Variants in CCDC85A observed in about 807,000 individuals in gnomAD.
CCDC85A encodes the protein coiled-coil domain-containing protein 85A.
Under a neutral mutation model 50.2 loss-of-function variants are expected in CCDC85A, and 38 were observed. The ratio of observed to expected loss-of-function variants is 0.76; its 90% CI spans 0.58 to 0.99. CCDC85A has a LOEUF of 0.99. CCDC85A is among the 50% of genes least tolerant of loss of function. The pLI, the probability that CCDC85A is intolerant of heterozygous loss-of-function variation, is 0.00. For missense variants in CCDC85A, 820 were observed against 742.0 expected (o/e 1.11, Z -1.22); for synonymous variants, 366 against 301.4 (o/e 1.21, Z -2.22).
intron 2 of CCDC85A, among the ~76,000 whole-genome samples, chr2:56,281,871 A>C (rs916514542): frequency 4.6e-5 from 7 of 152,152 alleles, no homozygotes; most frequent in African/African-American, 1.7e-4. Flanking sequence ...TTTTCTCTCA[A>C]TCTGTAGCTT....
rs945981259 is a variant in CCDC85A at position 56,384,592 on chromosome 2, T to A, written c.*237T>A. On this transcript the variant is annotated 3_prime_UTR_variant, in exon 6 of 6. Transcript: ENST00000407595. ...ATCTCAAACAAGGTAGCTTTGAACATCTCAAACAGAGTAGCTTTGAAAATC... is the reference window on the plus strand; with the variant it reads ...ATCTCAAACAAGGTAGCTTTGAACAACTCAAACAGAGTAGCTTTGAAAATC... 2 of 418,862 alleles carry A rather than the reference T, an allele frequency of 4.8e-6. No individual in the cohort carries two copies. Among genetic ancestry groups the A allele is most frequent in the African/African-American group, 4.0e-5 (2 of 50,374 alleles). The allele number at this position is 418,862 out of a possible 1,614,324, so 25.9% of individuals were successfully genotyped here. A position where few individuals can be genotyped will look rare whatever the true frequency, so the allele number is the denominator to read the frequency against.
chr2:56,216,663 T>G lies in CCDC85A; in HGVS notation c.1240+23223T>G, dbSNP rs182328424. 1.5e-4 allele frequency among the ~76,000 whole-genome samples: 23 copies of G among 151,774 alleles called. No individual in the cohort carries two copies. The East Asian group carries it at 4.5e-3, about 29-fold the overall frequency. On this transcript the variant is annotated intron_variant, in intron 2 of 5. Coordinates refer to ENST00000407595, the MANE Select transcript of CCDC85A (RefSeq NM_001080433.2). Reference sequence around the variant, plus strand: ...TCATTTCATTTATTTCTCCTTCTAATATGTTTTTCATTTCAGTAATATTTT... The same window carrying G: ...TCATTTCATTTATTTCTCCTTCTAAGATGTTTTTCATTTCAGTAATATTTT...
intron 2 of CCDC85A, among the ~76,000 whole-genome samples, chr2:56,210,778 A>C (rs1190131635): frequency 6.6e-6 from 1 of 151,888 alleles, no homozygotes; most frequent in Non-Finnish European, 1.5e-5. Context: ...TCCAAGGGCA[A>C]GTGTCCTAGC....
intron 2 of CCDC85A, among the ~76,000 whole-genome samples, chr2:56,273,103 A>G (rs955095988): frequency 6.6e-6 from 1 of 152,196 alleles, no homozygotes; most frequent in Non-Finnish European, 1.5e-5. Flanking sequence ...AACAGTATAT[A>G]GCCAAAAAAA....
chr2:56,346,982 T>C (rs1272974310), intron 3 of CCDC85A, among the ~76,000 whole-genome samples: 2 of 152,216 alleles, frequency 1.3e-5, no homozygotes, highest in Admixed American at 6.5e-5. Context: ...GTCTATGAGA[T>C]TTCATTAACT....
At chr2:56,245,671 G>A (rs72923427) in intron 2 of CCDC85A, among the ~76,000 whole-genome samples, 15,451 of 152,200 alleles carry the variant, frequency 0.1, 935 homozygotes, top group Middle Eastern at 0.13. Flanking sequence ...GGGTTGTGCT[G>A]TGGTTTGAAT....
At chr2:56,185,354 G>T (rs1028755091) in intron 1 of CCDC85A, among the ~76,000 whole-genome samples, 1 of 152,170 alleles carries the variant, frequency 6.6e-6, no homozygotes, top group Admixed American at 6.5e-5. Flanking sequence ...AGGAAAGGGC[G>T]CCACTGCCAG....
intron 1 of CCDC85A, among the ~76,000 whole-genome samples, chr2:56,186,026 C>G (rs902005757): frequency 6.6e-6 from 1 of 152,192 alleles, no homozygotes; most frequent in Non-Finnish European, 1.5e-5. Flanking sequence ...TGCTCCAGCT[C>G]TGGGATTCTG....
intron 2 of CCDC85A, among the ~76,000 whole-genome samples, chr2:56,202,842 A>G (rs1419049247): frequency 1.3e-5 from 2 of 152,182 alleles, no homozygotes; most frequent in Non-Finnish European, 2.9e-5. Context: ...CTAGACAGCA[A>G]ATGCCAATTC....
intron 1 of CCDC85A, among the ~76,000 whole-genome samples, chr2:56,190,529 G>A (rs184527735): frequency 1.3e-5 from 2 of 152,278 alleles, no homozygotes; most frequent in East Asian, 1.9e-4. Context: ...GTAAGTCTGA[G>A]GGATGATGGT....
intron 2 of CCDC85A, among the ~76,000 whole-genome samples, chr2:56,239,412 G>A (rs1234922611): frequency 1.3e-5 from 2 of 151,980 alleles, no homozygotes; most frequent in African/African-American, 2.4e-5. Flanking sequence ...TACTCTGTAG[G>A]GTTAATCTGG....
chr2:56,358,943 C>A (rs1196676556), intron 3 of CCDC85A, among the ~76,000 whole-genome samples: 2 of 130,080 alleles, frequency 1.5e-5, no homozygotes, highest in African/African-American at 2.8e-5. Context: ...TGCCACCATG[C>A]CCGGCTAATT....
chr2:56,192,580 A>G lies in CCDC85A; in HGVS notation c.380A>G (p.Gln127Arg). The stretch of plus-strand genomic sequence containing the variant: ...GGCAAGAGGGTGTCTCGGGAGTGGC[A>G]GAGACTGGGTCGCTACACTGCCGGG... Reference protein sequence around the residue: ...QKGKRVSREWQRLGRYTAGVM... With the variant: ...QKGKRVSREWRRLGRYTAGVM... The change falls in exon 2 of 6, where the codon CAG becomes CGG. Residue 127 changes from glutamine (Q) to arginine (R), a missense_variant. Physicochemically the swap from Gln to Arg is conservative, Grantham distance 43. Transcript: ENST00000407595. The surrounding 1 kb of genome is among the most constrained non-coding windows in gnomAD (Gnocchi z 4.7). The G allele has an allele frequency of 1.2e-6, 2 of 1,613,944 alleles. No homozygotes were observed. The highest frequency in any genetic ancestry group is 1.1e-5 in the South Asian group (1 of 91,078).
chr2:56,323,704 G>C (rs11125619), intron 2 of CCDC85A, among the ~76,000 whole-genome samples: 26,052 of 152,024 alleles, frequency 0.17, 2,498 homozygotes, highest in Admixed American at 0.24. Context: ...CTGATTGACT[G>C]TTACTAGAAC....
intron 2 of CCDC85A, among the ~76,000 whole-genome samples, chr2:56,260,253 A>G (rs1043229952): frequency 6.6e-6 from 1 of 152,170 alleles, no homozygotes; most frequent in African/African-American, 2.4e-5. Flanking sequence ...TGTCCCTGAA[A>G]CACCATTGGT....
intron 2 of CCDC85A, among the ~76,000 whole-genome samples, chr2:56,200,888 A>G (rs1167335024): frequency 6.6e-6 from 1 of 152,120 alleles, no homozygotes; most frequent in Non-Finnish European, 1.5e-5. Flanking sequence ...AATTAGGCAC[A>G]TATTCAATTA....
At chr2:56,347,727 T>C (rs1053573129) in intron 3 of CCDC85A, among the ~76,000 whole-genome samples, 1 of 152,128 alleles carries the variant, frequency 6.6e-6, no homozygotes, top group Non-Finnish European at 1.5e-5. Flanking sequence ...GGAGGGTGGA[T>C]AGGGGGAACT....
intron 3 of CCDC85A, among the ~76,000 whole-genome samples, chr2:56,366,883 T>G (rs1313206757): frequency 6.6e-6 from 1 of 152,196 alleles, no homozygotes; most frequent in Non-Finnish European, 1.5e-5. Flanking sequence ...TCTTTCATCT[T>G]TTATGATTTA....
chr2:56,287,096 T>C (rs766002514), intron 2 of CCDC85A, among the ~76,000 whole-genome samples: 9 of 152,210 alleles, frequency 5.9e-5, no homozygotes, highest in East Asian at 1.9e-4. Context: ...AGCATAGTTA[T>C]GACATCTGGT....
Sources: gnomAD v4.1 joint callset for allele counts (sites outside exome capture counted in the v4.1 genomes callset) on GRCh38, gnomAD v4.1.1 for gene constraint, Gnocchi (gnomAD v3.1) non-coding constraint, MANE v1.5 for transcripts, NCBI Gene and HGNC (gene_info 2026-07-23, HGNC 2026-07-21) for gene names.